PITPNM2: variants seen among roughly 807,000 people sequenced by gnomAD.
PITPNM2 encodes the protein phosphatidylinositol transfer protein membrane associated 2, also known as membrane-associated phosphatidylinositol transfer protein 2.
A neutral mutation model predicts 132.2 loss-of-function variants in PITPNM2; 35 were observed. The observed-to-expected ratio is 0.26, with a 90% confidence interval of 0.20 to 0.35. The LOEUF (loss-of-function observed/expected upper bound fraction) is 0.35. PITPNM2 is among the 10% of genes least tolerant of loss of function. The probability of loss-of-function intolerance (pLI) is 1.00; values close to 1 mark genes in which losing one functional copy is unlikely to be tolerated. For missense variants in PITPNM2, 1,332 were observed against 1,912.0 expected (o/e 0.70, Z 5.66); for synonymous variants, 738 against 799.2 (o/e 0.92, Z 1.29).
intron 25 of PITPNM2, 40 bp downstream of exon 25, chr12:122,986,396 G>C (rs1393097647): frequency 6.4e-7 from 1 of 1,567,004 alleles, no homozygotes; most frequent in Admixed American, 1.9e-5. Context: ...GGCTCCCCGA[G>C]CTGCCCGCCT....
intron 16 of PITPNM2, chr12:122,991,758 C>G (rs762225537): frequency 7.7e-7 from 1 of 1,297,264 alleles, no homozygotes. Context: ...TACACACACT[C>G]GGCACAGCCC....
intron 1 of PITPNM2, among the ~76,000 whole-genome samples, chr12:123,114,841 G>A (rs934549492): frequency 3.9e-5 from 6 of 152,236 alleles, no homozygotes; most frequent in African/African-American, 1.4e-4. Context: ...TGCTGCCGCT[G>A]TGATTACTAC....
At chr12:123,132,366 G>A (rs1229288888) in intron 1 of PITPNM2, among the ~76,000 whole-genome samples, 2 of 152,104 alleles carry the variant, frequency 1.3e-5, no homozygotes, top group Non-Finnish European at 2.9e-5. Flanking sequence ...GTGTGGGGTC[G>A]CCTCTCCCAG....
At chr12:123,126,028 C>T (rs906428293) in intron 1 of PITPNM2, among the ~76,000 whole-genome samples, 2 of 150,936 alleles carry the variant, frequency 1.3e-5, no homozygotes, top group Non-Finnish European at 3.0e-5. Flanking sequence ...CGCCACCACG[C>T]CCAGCTAATT....
At chr12:123,115,178 T>C (rs12310205) in intron 1 of PITPNM2, among the ~76,000 whole-genome samples, 21,160 of 152,204 alleles carry the variant, frequency 0.14, 4,847 homozygotes, top group African/African-American at 0.48. Flanking sequence ...ATGGACCCCA[T>C]GCCTTGGGCA....
intron 1 of PITPNM2, among the ~76,000 whole-genome samples, chr12:123,146,625 A>G (rs562416628): frequency 2.0e-5 from 3 of 151,782 alleles, no homozygotes; most frequent in Admixed American, 2.0e-4. Context: ...AAAATACAAT[A>G]AAAGTTTAAA....
At chr12:123,010,109 G>A in intron 5 of PITPNM2, 32 bp from the exon 6 acceptor site, 5 of 1,545,610 alleles carry the variant, frequency 3.2e-6, no homozygotes, top group Non-Finnish European at 4.5e-6. Flanking sequence ...GGCCACTTCT[G>A]CCCTGACCTC....
intron 2 of PITPNM2, among the ~76,000 whole-genome samples, chr12:123,074,198 A>G (rs1272407398): frequency 6.6e-6 from 1 of 152,226 alleles, no homozygotes; most frequent in Non-Finnish European, 1.5e-5. Context: ...GAGCAACGCC[A>G]AGTACTTCTA....
Position 123,058,651 on chromosome 12 carries a change from C to T in PITPNM2, c.-95-23966G>A, listed in dbSNP as rs548117947. Among the ~76,000 whole-genome samples the T allele has an allele frequency of 1.1e-3, 175 of 152,310 alleles. No homozygotes were observed. Among genetic ancestry groups the T allele is most frequent in the African/African-American group, 4.0e-3 (165 of 41,570 alleles). ...AGAGCAGCACCTGCCTCTTACACCTCGGCCCCAAGCACTGCAGAAGCTGGT... is the reference window on the plus strand; with the variant it reads ...AGAGCAGCACCTGCCTCTTACACCTTGGCCCCAAGCACTGCAGAAGCTGGT... On this transcript the variant is annotated intron_variant, in intron 2 of 25. Transcript: ENST00000320201. This position sits in a 1 kb window ranked among gnomAD's most constrained non-coding sequence, Gnocchi z 4.0.
chr12:123,103,272 C>T (rs367744140), intron 2 of PITPNM2, among the ~76,000 whole-genome samples: 10 of 152,294 alleles, frequency 6.6e-5, no homozygotes, highest in African/African-American at 2.4e-4. Context: ...GATACAGGCT[C>T]CCTGGGTTTG....
chr12:123,019,454 T>A (rs1432923781), intron 3 of PITPNM2, among the ~76,000 whole-genome samples: 1 of 152,182 alleles, frequency 6.6e-6, no homozygotes, highest in African/African-American at 2.4e-5. Flanking sequence ...TGCAGGCTGC[T>A]CAGAGCACCC....
At chr12:123,142,994 G>A (rs561117617) in intron 1 of PITPNM2, among the ~76,000 whole-genome samples, 29 of 152,170 alleles carry the variant, frequency 1.9e-4, no homozygotes, top group African/African-American at 6.7e-4. Flanking sequence ...CCAGAGCACC[G>A]TCGCCAAGCC....
chr12:123,000,302 G>A lies in PITPNM2; in HGVS notation c.1224+476C>T, dbSNP rs1006513808. ...GAGAACCCCCGAAGCGGATACAGGC[G>A]CTCTACCAAGACAGTTTTATTGGAC... On this transcript the variant is annotated intron_variant, in intron 10 of 25. Coordinates refer to ENST00000320201, the MANE Select transcript of PITPNM2 (RefSeq NM_020845.3). The surrounding 1 kb of genome is among the most constrained non-coding windows in gnomAD (Gnocchi z 5.4). The A allele has an allele frequency of 9.1e-6, 6 of 655,780 alleles. No homozygotes were observed. In the Admixed American group the frequency reaches 9.5e-5, roughly 10 times the overall value. 40.6% of individuals were successfully genotyped at this position (655,780 alleles called of 1,614,324 possible).
Position 123,022,399 on chromosome 12 carries a change from G to A in PITPNM2, c.79-8357C>T, listed in dbSNP as rs2039703935. ...AGCGCTCCTCGTGCACACTAGGGCT[G>A]AGACTCAGATAGCGGCCACAACTGC... On this transcript the variant is annotated intron_variant, in intron 3 of 25. Transcript: ENST00000320201. This position sits in a 1 kb window ranked among gnomAD's most constrained non-coding sequence, Gnocchi z 4.9. 6.6e-6 allele frequency among the ~76,000 whole-genome samples: 1 copy of A among 152,170 alleles called. No homozygotes were observed. Among genetic ancestry groups the A allele is most frequent in the African/African-American group, 2.4e-5 (1 of 41,432 alleles).
intron 2 of PITPNM2, among the ~76,000 whole-genome samples, chr12:123,052,256 T>C (rs1187441828): frequency 6.6e-6 from 1 of 152,038 alleles, no homozygotes; most frequent in Non-Finnish European, 1.5e-5. Context: ...TACCCCGGAA[T>C]AGACAGCGGG....
At chr12:123,074,555 C>T (rs1380245971) in intron 2 of PITPNM2, among the ~76,000 whole-genome samples, 1 of 151,874 alleles carries the variant, frequency 6.6e-6, no homozygotes, top group African/African-American at 2.4e-5. Context: ...CCCACATGAG[C>T]ACACCACACA....
At chr12:123,130,636 C>T (rs1201319053) in intron 1 of PITPNM2, among the ~76,000 whole-genome samples, 2 of 152,078 alleles carry the variant, frequency 1.3e-5, no homozygotes, top group African/African-American at 2.4e-5. Context: ...AAAAATTAGC[C>T]GGGCGTGGTG....
intron 2 of PITPNM2, among the ~76,000 whole-genome samples, chr12:123,041,556 C>T (rs1305418983): frequency 6.6e-6 from 1 of 152,190 alleles, no homozygotes; most frequent in Non-Finnish European, 1.5e-5. Context: ...CTGGAGCCCC[C>T]TTGGCCCGAA....
In PITPNM2 at chr12:123,009,973, C is replaced by T. The variant is rs201145774; in HGVS notation, c.520G>A (p.Glu174Lys). ...TTCTTGTACTCCTCGATCCAGTTCT[C>T]GGACAGGGGCCCCCGCTGGGTCTTG... Reference protein sequence around the residue: ...STKTQRGPLSENWIEEYKKQV... With the variant: ...STKTQRGPLSKNWIEEYKKQV... The change falls in exon 6 of 26, where the codon GAG (glutamate) becomes AAG (lysine). Residue 174 changes from glutamate to lysine, a missense_variant. Physicochemically the swap from Glu to Lys is moderately conservative, Grantham distance 56. Transcript: ENST00000320201. This position sits in a 1 kb window ranked among gnomAD's most constrained non-coding sequence, Gnocchi z 4.8. 86 of 1,614,076 alleles carry T rather than the reference C, an allele frequency of 5.3e-5. No homozygotes were observed. Among genetic ancestry groups the T allele is most frequent in the Middle Eastern group, 1.6e-4 (1 of 6,084 alleles).
Sources: gnomAD v4.1 joint callset for allele counts (sites outside exome capture counted in the v4.1 genomes callset) on GRCh38, gnomAD v4.1.1 for gene constraint, Gnocchi (gnomAD v3.1) non-coding constraint, MANE v1.5 for transcripts, NCBI Gene and HGNC (gene_info 2026-07-23, HGNC 2026-07-21) for gene names.